SP140L: variants seen among roughly 807,000 people sequenced by gnomAD.
SP140L encodes the protein SP140 like nuclear body protein, also known as nuclear body protein SP140-like protein.
In SP140L, 64 loss-of-function variants were observed where a neutral mutation model predicts 84.3. That is an observed-to-expected ratio of 0.76 (90% CI 0.62 to 0.94). The LOEUF (loss-of-function observed/expected upper bound fraction) is 0.94, where lower values mean the gene tolerates loss of function less well. SP140L is among the 40% of genes least tolerant of loss of function. The probability of loss-of-function intolerance (pLI) is 0.00; values close to 1 mark genes in which losing one functional copy is unlikely to be tolerated. For missense variants in SP140L, 628 were observed against 692.5 expected (o/e 0.91, Z 1.05); for synonymous variants, 242 against 236.9 (o/e 1.02, Z -0.20).
chr2:230,376,360 AC>A (rs2061240635), intron 7 of SP140L, among the ~76,000 whole-genome samples: 1 of 152,180 alleles, frequency 6.6e-6, no homozygotes, highest in Non-Finnish European at 1.5e-5. Context: ...TATAGACTCC[AC>A]CAAAAAACTG....
intron 14 of SP140L, among the ~76,000 whole-genome samples, chr2:230,397,364 T>A (rs1467065478): frequency 6.6e-6 from 1 of 152,150 alleles, no homozygotes; most frequent in African/African-American, 2.4e-5. Flanking sequence ...AGAGCCCCTA[T>A]CACCAGTCTC....
chr2:230,388,468 A>G (rs72996270), intron 9 of SP140L, 91 bp from the exon 10 acceptor site: 302,164 of 1,040,742 alleles, frequency 0.29, 46,062 homozygotes, highest in Non-Finnish European at 0.31. Flanking sequence ...GCTTTTGGAA[A>G]GTTACATTTA....
At position 230,367,381 on chromosome 2, in the gene SP140L, C is replaced by T. The variant is rs530257452; in HGVS notation, c.524-3527C>T. Reference sequence around the variant, plus strand: ...TATTATGTCTCACTGTAGCCTTGATCTCCTAGGCTCAGGCTACCCTCCTGC... The same window carrying T: ...TATTATGTCTCACTGTAGCCTTGATTTCCTAGGCTCAGGCTACCCTCCTGC... On this transcript the variant is annotated intron_variant, in intron 5 of 18. Coordinates refer to ENST00000415673, the MANE Select transcript of SP140L (RefSeq NM_138402.6). Among the ~76,000 whole-genome samples the T allele has an allele frequency of 3.6e-5, 5 of 140,496 alleles. No homozygotes were observed. The South Asian group carries it at 9.1e-4, about 26-fold the overall frequency. 92.2% of individuals were successfully genotyped at this position (140,496 alleles called of 152,430 possible).
chr2:230,347,480 A>T (rs1381577797), intron 2 of SP140L, among the ~76,000 whole-genome samples: 1 of 152,030 alleles, frequency 6.6e-6, no homozygotes, highest in East Asian at 1.9e-4. Context: ...AGATGGGATC[A>T]TTCTCTGGAA....
rs529419762 is a variant in SP140L, at chr2:230,355,759, T to C, written c.108-2046T>C. Among the ~76,000 whole-genome samples the C allele has an allele frequency of 3.3e-5, 5 of 152,286 alleles. No homozygotes were observed. In the East Asian group the frequency reaches 9.6e-4, roughly 29 times the overall value. On this transcript the variant is annotated intron_variant, in intron 2 of 18. Coordinates refer to ENST00000415673, the MANE Select transcript of SP140L (RefSeq NM_138402.6). The stretch of plus-strand genomic sequence containing the variant: ...TGCTTTTTGAATATTTTCGTGACCT[T>C]GGAGTGGCAAATTCTTCTTAGTACA...
In SP140L at chr2:230,403,627, C is replaced by T. The variant is rs56052963; in HGVS notation, c.*731C>T. 0.26 allele frequency: 40,318 copies of T among 152,198 alleles called. 5,723 individuals carry two copies. Among genetic ancestry groups the T allele is most frequent in the Non-Finnish European group, 0.31 (20,892 of 68,026 alleles). 9.4% of individuals were successfully genotyped at this position (152,198 alleles called of 1,614,324 possible). On this transcript the variant is annotated 3_prime_UTR_variant, in exon 19 of 19. Transcript: ENST00000415673. ...CCCAAACTGCCGTTCTTTTCGATAG[C>T]TCACGATGGTGTATGAGTGTCAATC...
intron 2 of SP140L, 71 bp from the exon 3 acceptor site, chr2:230,357,734 A>G (rs933513809): frequency 2.6e-5 from 38 of 1,488,296 alleles, no homozygotes; most frequent in African/African-American, 7.1e-5. Flanking sequence ...CGTTATACAT[A>G]AAATCTTACC....
At chr2:230,396,905 G>A (rs6732940) in intron 14 of SP140L, 107 bp downstream of exon 14, 387,910 of 1,377,716 alleles carry the variant, frequency 0.28, 56,681 homozygotes, top group Non-Finnish European at 0.3. Context: ...AGTCTCAGTT[G>A]GAGTATGTGG....
chr2:230,402,959 T>A lies in SP140L; in HGVS notation c.*63T>A. ...CTACTGGTTGCCACTGACTTCAAAC[T>A]GAGAGCACTTGGGAAATAGCACATG... On this transcript the variant is annotated 3_prime_UTR_variant, in exon 19 of 19. Transcript: ENST00000415673. The A allele has an allele frequency of 7.4e-7, 1 of 1,350,110 alleles. No homozygotes were observed. The highest frequency in any genetic ancestry group is 1.0e-6 in the Non-Finnish European group (1 of 969,134). 83.6% of individuals were successfully genotyped at this position (1,350,110 alleles called of 1,614,324 possible).
At chr2:230,351,352 G>A (rs942009640) in intron 2 of SP140L, among the ~76,000 whole-genome samples, 2 of 152,132 alleles carry the variant, frequency 1.3e-5, no homozygotes, top group Non-Finnish European at 2.9e-5. Flanking sequence ...TAGTTTTAAC[G>A]TATTCATATG....
chr2:230,363,556 T>C (rs2060785633), intron 5 of SP140L, among the ~76,000 whole-genome samples: 1 of 152,048 alleles, frequency 6.6e-6, no homozygotes. Context: ...TTGAGTTCCT[T>C]ACATATTTTA....
intron 11 of SP140L, among the ~76,000 whole-genome samples, chr2:230,390,246 A>C (rs1231829829): frequency 7.2e-5 from 11 of 152,186 alleles, no homozygotes; most frequent in African/African-American, 2.4e-4. Flanking sequence ...CCCAAAGAAC[A>C]AAAGAGAAGG....
intron 7 of SP140L, among the ~76,000 whole-genome samples, chr2:230,378,056 T>C (rs1177876849): frequency 6.6e-6 from 1 of 152,156 alleles, no homozygotes; most frequent in Middle Eastern, 3.2e-3. Flanking sequence ...CCATCATAAT[T>C]TGTTGAAAAA....
intron 5 of SP140L, among the ~76,000 whole-genome samples, chr2:230,370,052 A>G (rs573651336): frequency 3.0e-4 from 46 of 152,284 alleles, no homozygotes; most frequent in South Asian, 1.7e-3. Flanking sequence ...GATTACAGGC[A>G]TGAGCCACCG....
chr2:230,327,214 G>C lies in SP140L; in HGVS notation c.-56G>C. On this transcript the variant is annotated 5_prime_UTR_variant, in exon 1 of 19. Transcript: ENST00000415673. ...AGCCACACTGCACGCAGGCTGGGCCGACTGGGGAGCTCATAGGCCAGGCTC... is the reference window on the plus strand; with the variant it reads ...AGCCACACTGCACGCAGGCTGGGCCCACTGGGGAGCTCATAGGCCAGGCTC... 2.5e-6 allele frequency: 4 copies of C among 1,575,784 alleles called. No individual in the cohort carries two copies. The highest frequency in any genetic ancestry group is 1.2e-5 in the South Asian group (1 of 86,464).
chr2:230,393,019 T>C (rs2061889080), intron 12 of SP140L, among the ~76,000 whole-genome samples: 1 of 152,156 alleles, frequency 6.6e-6, no homozygotes, highest in African/African-American at 2.4e-5. Flanking sequence ...CCCATCTTCA[T>C]GTACCCAAGA....
At chr2:230,363,877 T>G (rs759566874) in intron 5 of SP140L, among the ~76,000 whole-genome samples, 3 of 152,182 alleles carry the variant, frequency 2.0e-5, no homozygotes, top group Non-Finnish European at 4.4e-5. Context: ...AATTTCATTC[T>G]TCTGCACGTG....
At chr2:230,374,751 G>T (rs2061190443) in intron 7 of SP140L, among the ~76,000 whole-genome samples, 1 of 152,210 alleles carries the variant, frequency 6.6e-6, no homozygotes, top group Admixed American at 6.5e-5. Flanking sequence ...AGGCTCAAAT[G>T]ATTGTGAGCA....
chr2:230,353,307 C>T (rs111449726), intron 2 of SP140L, among the ~76,000 whole-genome samples: 3,607 of 152,054 alleles, frequency 0.024, 147 homozygotes, highest in African/African-American at 0.082. Context: ...TTGATTGTAA[C>T]TTTTTGAGAC....
Sources: allele counts gnomAD v4.1 joint callset (sites outside exome capture counted in the v4.1 genomes callset), GRCh38; gene constraint gnomAD v4.1.1; transcripts MANE v1.5; gene names NCBI Gene and HGNC (gene_info 2026-07-23, HGNC 2026-07-21).